LRRTM4: variants seen among roughly 807,000 people sequenced by gnomAD.
LRRTM4 encodes the protein leucine-rich repeat transmembrane neuronal protein 4.
In LRRTM4, 25 loss-of-function variants were observed where a neutral mutation model predicts 47.6. That is an observed-to-expected ratio of 0.53 (90% confidence interval 0.38 to 0.73). The LOEUF is 0.73. Among genes scored for constraint, LRRTM4 ranks in the 30% least tolerant of loss-of-function variants. The pLI, the probability that LRRTM4 is intolerant of heterozygous loss-of-function variation, is 0.00. For synonymous variants in LRRTM4, 311 were observed against 269.5 expected (o/e 1.15, Z -1.51); for missense variants, 638 against 713.4 (o/e 0.89, Z 1.20).
chr2:77,023,377 A>C (rs1678342114), intron 3 of LRRTM4, among the ~76,000 whole-genome samples: 1 of 152,196 alleles, frequency 6.6e-6, no homozygotes, highest in African/African-American at 2.4e-5. Flanking sequence ...GGATTAACTA[A>C]CATTCAGCAC....
intron 3 of LRRTM4, among the ~76,000 whole-genome samples, chr2:76,930,725 T>C (rs1396425347): frequency 6.6e-6 from 1 of 152,190 alleles, no homozygotes; most frequent in Non-Finnish European, 1.5e-5. Context: ...ATTAGTTTCC[T>C]CACTAGATAA....
chr2:77,057,736 A>C (rs538328753), intron 3 of LRRTM4, among the ~76,000 whole-genome samples: 6 of 152,294 alleles, frequency 3.9e-5, no homozygotes, highest in Admixed American at 1.3e-4. Flanking sequence ...CATATGCTTT[A>C]GATATGCACC....
At chr2:76,833,622 T>G (rs1194989863) in intron 3 of LRRTM4, among the ~76,000 whole-genome samples, 4 of 151,962 alleles carry the variant, frequency 2.6e-5, no homozygotes, top group Admixed American at 2.6e-4. Context: ...TTGTAAGATA[T>G]GACATTAATA....
chr2:77,360,375 T>C (rs571993863), intron 3 of LRRTM4, among the ~76,000 whole-genome samples: 28 of 152,194 alleles, frequency 1.8e-4, no homozygotes, highest in Admixed American at 1.3e-4. Context: ...GAGAATGGCG[T>C]GAACCCAGGA....
At chr2:76,780,367 G>T (rs1184016173) in intron 3 of LRRTM4, among the ~76,000 whole-genome samples, 5 of 152,092 alleles carry the variant, frequency 3.3e-5, no homozygotes, top group East Asian at 1.9e-4. Context: ...TTCCAACTTG[G>T]TTCCATTCTC....
chr2:77,468,783 G>A (rs1481316003), intron 3 of LRRTM4, among the ~76,000 whole-genome samples: 1 of 152,132 alleles, frequency 6.6e-6, no homozygotes, highest in African/African-American at 2.4e-5. Context: ...CTCTCATGAT[G>A]TGAAGTCTAC....
rs372467621 is a variant in LRRTM4 at position 77,024,020 on chromosome 2, G to A, written c.1552-275104C>T. 8.1e-4 allele frequency among the ~76,000 whole-genome samples: 124 copies of A among 152,226 alleles called. No homozygotes were observed. In the Middle Eastern group the frequency reaches 0.01, roughly 13 times the overall value. On this transcript the variant is annotated intron_variant, in intron 3 of 3. Coordinates refer to ENST00000409884, the MANE Select transcript of LRRTM4 (RefSeq NM_001134745.3). ...CTGGGGAGGCCTCAGTATCATGATC[G>A]GGCGCAAAAGTGCTTTTTACATGGC...
At chr2:77,021,873 C>T (rs1678288793) in intron 3 of LRRTM4, among the ~76,000 whole-genome samples, 1 of 152,176 alleles carries the variant, frequency 6.6e-6, no homozygotes, top group Non-Finnish European at 1.5e-5. Context: ...ATGATTGCCA[C>T]ACCCAAATTA....
At chr2:76,989,562 T>C (rs1676929150) in intron 3 of LRRTM4, among the ~76,000 whole-genome samples, 1 of 151,814 alleles carries the variant, frequency 6.6e-6, no homozygotes, top group Admixed American at 6.6e-5. Flanking sequence ...GAGTTGAAAA[T>C]GCATGTTCTG....
chr2:77,211,938 T>C (rs1674303733), intron 3 of LRRTM4, among the ~76,000 whole-genome samples: 1 of 152,124 alleles, frequency 6.6e-6, no homozygotes, highest in African/African-American at 2.4e-5. Flanking sequence ...TTCATGAATG[T>C]TTTTCCCACT....
At chr2:77,478,927 C>T (rs1216885567) in intron 3 of LRRTM4, among the ~76,000 whole-genome samples, 1 of 152,124 alleles carries the variant, frequency 6.6e-6, no homozygotes, top group Non-Finnish European at 1.5e-5. Context: ...CGAAGTCTCA[C>T]TCTCTTGCCC....
intron 3 of LRRTM4, among the ~76,000 whole-genome samples, chr2:76,886,823 A>G (rs17405288): frequency 0.14 from 20,743 of 152,024 alleles, 1,712 homozygotes; most frequent in Admixed American, 0.21. Flanking sequence ...TGATAGATTT[A>G]AAAGAATGAA....
At chr2:77,033,123 G>A (rs565064857) in intron 3 of LRRTM4, among the ~76,000 whole-genome samples, 2 of 152,030 alleles carry the variant, frequency 1.3e-5, no homozygotes, top group African/African-American at 4.8e-5. Flanking sequence ...ATGTCTCTTG[G>A]GAGGAATGGC....
At chr2:77,217,175 T>G (rs1181335235) in intron 3 of LRRTM4, among the ~76,000 whole-genome samples, 1 of 151,332 alleles carries the variant, frequency 6.6e-6, no homozygotes, top group Non-Finnish European at 1.5e-5. Flanking sequence ...TTCTTAAAAA[T>G]TCTTCAGGTA....
At chr2:76,805,933 A>G (rs776854625) in intron 3 of LRRTM4, among the ~76,000 whole-genome samples, 4 of 152,000 alleles carry the variant, frequency 2.6e-5, no homozygotes, top group Admixed American at 1.3e-4. Flanking sequence ...TATCTCTGTT[A>G]TTGTGGTCTC....
At chr2:77,113,865 A>G (rs1671317253) in intron 3 of LRRTM4, among the ~76,000 whole-genome samples, 1 of 152,130 alleles carries the variant, frequency 6.6e-6, no homozygotes, top group African/African-American at 2.4e-5. Context: ...CAAATGCTGC[A>G]AAGGTTTGAA....
chr2:77,026,132 C>A (rs1291175644), intron 3 of LRRTM4, among the ~76,000 whole-genome samples: 1 of 152,106 alleles, frequency 6.6e-6, no homozygotes, highest in Admixed American at 6.6e-5. Flanking sequence ...TGAAACCAGA[C>A]CACATTCTTT....
chr2:77,444,987 A>G (rs974549351), intron 3 of LRRTM4, among the ~76,000 whole-genome samples: 2 of 150,684 alleles, frequency 1.3e-5, no homozygotes, highest in Admixed American at 1.3e-4. Context: ...GAAAAAAAAA[A>G]AAACACTAAA....
chr2:76,823,228 T>C (rs570999703), intron 3 of LRRTM4, among the ~76,000 whole-genome samples: 7 of 151,344 alleles, frequency 4.6e-5, no homozygotes, highest in Admixed American at 1.3e-4. Context: ...TGAATAAAAA[T>C]TGAAGGTTAC....
Sources: allele counts gnomAD v4.1 joint callset (sites outside exome capture counted in the v4.1 genomes callset), GRCh38; gene constraint gnomAD v4.1.1; transcripts MANE v1.5; gene names NCBI Gene and HGNC (gene_info 2026-07-23, HGNC 2026-07-21).